The following PLXDC2 variants were observed in gnomAD, a reference collection of about 807,000 sequenced individuals.
The protein encoded by PLXDC2 is plexin domain containing 2, also known as plexin domain-containing protein 2.
In PLXDC2, 40 loss-of-function variants were observed where a neutral mutation model predicts 68.9. That is an observed-to-expected ratio of 0.58 (90% CI 0.45 to 0.76). PLXDC2 has a LOEUF of 0.76. Ranked by LOEUF, PLXDC2 falls within the 30% of genes least tolerant of loss-of-function variation. The pLI is 0.00. For missense variants in PLXDC2, 644 were observed against 661.9 expected (o/e 0.97, Z 0.30); for synonymous variants, 243 against 234.2 (o/e 1.04, Z -0.34).
chr10:19,920,875 A>G (rs1833451813), intron 1 of PLXDC2, among the ~76,000 whole-genome samples: 1 of 152,082 alleles, frequency 6.6e-6, no homozygotes, highest in Non-Finnish European at 1.5e-5. Context: ...TGTTTAAGTG[A>G]ACATTTAAAT....
At chr10:20,186,426 T>C (rs1834683291) in intron 9 of PLXDC2, among the ~76,000 whole-genome samples, 1 of 151,942 alleles carries the variant, frequency 6.6e-6, no homozygotes, top group Non-Finnish European at 1.5e-5. Context: ...CTTTAACTTT[T>C]ATTTTAGGTA....
At chr10:20,134,002 A>G (rs139094159) in intron 4 of PLXDC2, among the ~76,000 whole-genome samples, 7 of 152,178 alleles carry the variant, frequency 4.6e-5, no homozygotes, top group African/African-American at 1.2e-4. Flanking sequence ...GAACCTCTCT[A>G]TGGAATTTTT....
chr10:20,048,831 C>G (rs1026179018), intron 3 of PLXDC2, among the ~76,000 whole-genome samples: 1 of 152,012 alleles, frequency 6.6e-6, no homozygotes, highest in Non-Finnish European at 1.5e-5. Context: ...TACTTGGTTG[C>G]CTTGTGACAG....
chr10:20,011,951 G>A (rs1323093778), intron 2 of PLXDC2, among the ~76,000 whole-genome samples: 1 of 152,088 alleles, frequency 6.6e-6, no homozygotes, highest in East Asian at 1.9e-4. Flanking sequence ...CCAATTCACT[G>A]AAAACATGAA....
At chr10:20,169,749 C>A (rs1012719253) in intron 7 of PLXDC2, among the ~76,000 whole-genome samples, 1 of 152,140 alleles carries the variant, frequency 6.6e-6, no homozygotes, top group African/African-American at 2.4e-5. Context: ...TAAGGCCATG[C>A]CACTTAAGTA....
At chr10:19,848,243 C>T (rs530449362) in intron 1 of PLXDC2, among the ~76,000 whole-genome samples, 55 of 152,290 alleles carry the variant, frequency 3.6e-4, no homozygotes, top group Non-Finnish European at 6.8e-4. Context: ...CAAGACGTAC[C>T]TATTTCTGGA....
At chr10:19,874,803 G>T (rs189047212) in intron 1 of PLXDC2, among the ~76,000 whole-genome samples, 1 of 152,310 alleles carries the variant, frequency 6.6e-6, no homozygotes, top group Admixed American at 6.5e-5. Context: ...GGCCGGAAAA[G>T]CTGAGTGCTT....
chr10:20,022,397 T>C (rs941407796), intron 2 of PLXDC2, among the ~76,000 whole-genome samples: 6 of 152,118 alleles, frequency 3.9e-5, no homozygotes, highest in Non-Finnish European at 8.8e-5. Context: ...CATGGGGTGT[T>C]AGTGGAGGGT....
At chr10:19,838,174 G>A (rs1450939410) in intron 1 of PLXDC2, among the ~76,000 whole-genome samples, 2 of 151,922 alleles carry the variant, frequency 1.3e-5, no homozygotes, top group East Asian at 3.9e-4. Context: ...TGTTGCCCAG[G>A]CTGGTCTCAA....
At chr10:20,257,318 A>C (rs1406722689) in intron 13 of PLXDC2, among the ~76,000 whole-genome samples, 1 of 152,178 alleles carries the variant, frequency 6.6e-6, no homozygotes, top group Non-Finnish European at 1.5e-5. Context: ...AATCTAGGGT[A>C]TTCTGATTCC....
intron 4 of PLXDC2, among the ~76,000 whole-genome samples, chr10:20,109,071 G>A (rs538249476): frequency 8.5e-5 from 13 of 152,302 alleles, no homozygotes; most frequent in African/African-American, 3.1e-4. Flanking sequence ...AGTAAAATAA[G>A]TGAGAGGAAT....
chr10:20,020,595 A>G (rs544592131), intron 2 of PLXDC2, among the ~76,000 whole-genome samples: 7 of 152,186 alleles, frequency 4.6e-5, no homozygotes, highest in African/African-American at 7.2e-5. Flanking sequence ...ATATATATAT[A>G]TGTGTATCTC....
At position 20,284,633 on chromosome 10, in the gene PLXDC2, T is replaced by A. The variant is rs1836128535; in HGVS notation, c.*4814T>A. On this transcript the variant is annotated 3_prime_UTR_variant, in exon 14 of 14. Transcript: ENST00000377252. ...GTGAGACATCATGTAATCCAACCTC[T>A]TAATGTTACAGATAAGTAAACTGAG... 6.6e-6 allele frequency: 1 copy of A among 151,966 alleles called. No individual in the cohort carries two copies. The highest frequency in any genetic ancestry group is 1.5e-5 in the Non-Finnish European group (1 of 68,002). The allele number at this position is 151,966 out of a possible 1,614,324, so 9.4% of individuals were successfully genotyped here. A position where few individuals can be genotyped will look rare whatever the true frequency, so the allele number is the denominator to read the frequency against.
chr10:20,019,231 G>T (rs954874422), intron 2 of PLXDC2, among the ~76,000 whole-genome samples: 1 of 152,218 alleles, frequency 6.6e-6, no homozygotes, highest in Non-Finnish European at 1.5e-5. Context: ...TTCTTCTCAT[G>T]ATTGTAACAA....
intron 2 of PLXDC2, among the ~76,000 whole-genome samples, chr10:20,033,609 G>A (rs1490706926): frequency 6.6e-6 from 1 of 152,284 alleles, no homozygotes; most frequent in East Asian, 1.9e-4. Context: ...CATGGTGGCA[G>A]GCAAGAGAGA....
At chr10:20,164,796 T>A (rs1834352188) in intron 7 of PLXDC2, among the ~76,000 whole-genome samples, 1 of 152,074 alleles carries the variant, frequency 6.6e-6, no homozygotes, top group Non-Finnish European at 1.5e-5. Flanking sequence ...AAATGTGTAA[T>A]TTTGGACTCT....
intron 1 of PLXDC2, among the ~76,000 whole-genome samples, chr10:19,831,393 G>A (rs978374583): frequency 2.6e-5 from 4 of 152,046 alleles, no homozygotes; most frequent in African/African-American, 7.2e-5. Flanking sequence ...TTTCTAGGCA[G>A]TGGGAAACCA....
At chr10:20,233,015 AAT>A (rs1443960098) in intron 12 of PLXDC2, among the ~76,000 whole-genome samples, 3 of 152,128 alleles carry the variant, frequency 2.0e-5, no homozygotes, top group Non-Finnish European at 2.9e-5. Context: ...AGTAAAGCCA[AAT>A]GATAATAATA....
chr10:20,006,840 A>T (rs966161221), intron 2 of PLXDC2, among the ~76,000 whole-genome samples: 1 of 152,228 alleles, frequency 6.6e-6, no homozygotes, highest in Non-Finnish European at 1.5e-5. Context: ...AGCCAACTGT[A>T]TATCCTGTTG....
Sources: allele counts gnomAD v4.1 joint callset (sites outside exome capture counted in the v4.1 genomes callset), GRCh38; gene constraint gnomAD v4.1.1; transcripts MANE v1.5; gene names NCBI Gene and HGNC (gene_info 2026-07-23, HGNC 2026-07-21).